CTNNA3: variants seen among roughly 807,000 people sequenced by gnomAD.
CTNNA3 encodes the protein catenin alpha-3.
In CTNNA3, 76 loss-of-function variants were observed where a neutral mutation model predicts 95.7. The ratio of observed to expected loss-of-function variants is 0.79; its 90% CI spans 0.66 to 0.96. The LOEUF (loss-of-function observed/expected upper bound fraction) is 0.96. CTNNA3 is among the 40% of genes least tolerant of loss of function. The pLI is 0.00. For synonymous variants in CTNNA3, 431 were observed against 374.4 expected (o/e 1.15, Z -1.74); for missense variants, 1,191 against 1,089.8 (o/e 1.09, Z -1.31).
chr10:66,430,672 A>C (rs1466991776), intron 11 of CTNNA3, among the ~76,000 whole-genome samples: 4 of 152,232 alleles, frequency 2.6e-5, no homozygotes, highest in Non-Finnish European at 5.9e-5. Flanking sequence ...TTATTTAATA[A>C]ATGGTGCTGG....
chr10:66,126,997 G>A (rs541097708), intron 13 of CTNNA3, among the ~76,000 whole-genome samples: 1 of 151,904 alleles, frequency 6.6e-6, no homozygotes, highest in Non-Finnish European at 1.5e-5. Context: ...GGCCGGGCGC[G>A]GTGGCTCACA....
chr10:67,411,211 AC>A (rs1845354928), intron 5 of CTNNA3, among the ~76,000 whole-genome samples: 2 of 152,306 alleles, frequency 1.3e-5, no homozygotes, highest in South Asian at 4.1e-4. Flanking sequence ...TGTTCTCATT[AC>A]AAAAAAATGA....
At chr10:67,291,935 G>A (rs1358112779) in intron 5 of CTNNA3, among the ~76,000 whole-genome samples, 1 of 152,146 alleles carries the variant, frequency 6.6e-6, no homozygotes, top group African/African-American at 2.4e-5. Flanking sequence ...ACCCAAAGAT[G>A]CAGGGGAAAT....
At chr10:67,386,619 T>A (rs941195264) in intron 5 of CTNNA3, among the ~76,000 whole-genome samples, 2 of 152,148 alleles carry the variant, frequency 1.3e-5, no homozygotes, top group African/African-American at 4.8e-5. Context: ...AACAAAGCAC[T>A]GAGGAAGATC....
chr10:66,447,217 G>A (rs1260179864), intron 11 of CTNNA3, among the ~76,000 whole-genome samples: 5 of 152,120 alleles, frequency 3.3e-5, no homozygotes, highest in Non-Finnish European at 7.3e-5. Flanking sequence ...TCATGGGTAG[G>A]AAGAATCAAT....
chr10:65,947,500 C>T (rs1008955608), intron 17 of CTNNA3, among the ~76,000 whole-genome samples: 2 of 152,126 alleles, frequency 1.3e-5, no homozygotes, highest in Admixed American at 6.5e-5. Context: ...AAGCAACTTA[C>T]GTGTAGTAGA....
intron 3 of CTNNA3, among the ~76,000 whole-genome samples, chr10:67,566,332 A>G: frequency 6.7e-6 from 1 of 150,096 alleles, no homozygotes; most frequent in Non-Finnish European, 1.5e-5. Context: ...CAAGAAAAAA[A>G]CAAACAACCC....
chr10:66,858,414 T>G (rs185199726), intron 7 of CTNNA3, among the ~76,000 whole-genome samples: 1 of 152,132 alleles, frequency 6.6e-6, no homozygotes, highest in Admixed American at 6.6e-5. Flanking sequence ...GCTGGTCTCA[T>G]AGAATGAATT....
intron 9 of CTNNA3, among the ~76,000 whole-genome samples, chr10:66,646,294 T>A (rs1845705370): frequency 6.6e-6 from 1 of 152,160 alleles, no homozygotes; most frequent in African/African-American, 2.4e-5. Context: ...TGGATAGGCA[T>A]CAGCATTCCA....
intron 12 of CTNNA3, among the ~76,000 whole-genome samples, chr10:66,322,808 T>C (rs2092207110): frequency 1.3e-5 from 2 of 151,920 alleles, no homozygotes; most frequent in African/African-American, 4.8e-5. Flanking sequence ...GACCAAAACA[T>C]TGGTATTTAG....
At chr10:67,282,422 G>C (rs1406026373) in intron 5 of CTNNA3, among the ~76,000 whole-genome samples, 1 of 152,114 alleles carries the variant, frequency 6.6e-6, no homozygotes, top group Middle Eastern at 3.2e-3. Flanking sequence ...ATAGGAAAAG[G>C]CTTCTCAAGG....
rs138275340 is a variant in CTNNA3 at position 66,317,400 on chromosome 10, G to A, written c.1733-36779C>T. 8.5e-5 allele frequency among the ~76,000 whole-genome samples: 13 copies of A among 152,092 alleles called. No homozygotes were observed. In the South Asian group the frequency reaches 1.0e-3, roughly 12 times the overall value. ...TATAAAAAGAAATTTTAAGCCGGGCGTGGTGGCTCACACCTGTAATCCCAG... is the reference window on the plus strand; with the variant it reads ...TATAAAAAGAAATTTTAAGCCGGGCATGGTGGCTCACACCTGTAATCCCAG... On this transcript the variant is annotated intron_variant, in intron 12 of 17. Coordinates refer to ENST00000433211, the MANE Select transcript of CTNNA3 (RefSeq NM_013266.4).
At chr10:67,347,438 T>A (rs542068907) in intron 5 of CTNNA3, among the ~76,000 whole-genome samples, 1 of 152,166 alleles carries the variant, frequency 6.6e-6, no homozygotes, top group Non-Finnish European at 1.5e-5. Context: ...TTATTTAAAG[T>A]CACTTTTTTC....
chr10:66,191,223 G>C (rs2086650302), intron 13 of CTNNA3, among the ~76,000 whole-genome samples: 1 of 152,140 alleles, frequency 6.6e-6, no homozygotes, highest in Admixed American at 6.6e-5. Flanking sequence ...CTTGAGAAGA[G>C]AGATTCTAGG....
chr10:66,848,381 C>T (rs1165888077), intron 7 of CTNNA3, among the ~76,000 whole-genome samples: 3 of 152,134 alleles, frequency 2.0e-5, no homozygotes, highest in Non-Finnish European at 4.4e-5. Context: ...TGATATGAGA[C>T]AGAGGGCGCT....
Position 65,997,912 on chromosome 10 carries a change from G to A in CTNNA3, c.2160-9115C>T, listed in dbSNP as rs192776743. Among the ~76,000 whole-genome samples the A allele has an allele frequency of 8.0e-3, 1,225 of 152,254 alleles. 15 individuals are homozygous for A. Among genetic ancestry groups the A allele is most frequent in the African/African-American group, 0.028 (1,161 of 41,550 alleles). ...TGCTGGTAATCCCAGCTACCTGGGA[G>A]GCTGAGGCAGGAGAATCGCTCGAAC... On this transcript the variant is annotated intron_variant, in intron 15 of 17. Transcript: ENST00000433211.
chr10:66,729,101 T>G (rs1301497543), intron 9 of CTNNA3, among the ~76,000 whole-genome samples: 1 of 152,160 alleles, frequency 6.6e-6, no homozygotes, highest in Non-Finnish European at 1.5e-5. Flanking sequence ...TCTGTTCCAT[T>G]GGTTTACATG....
chr10:66,384,064 T>A (rs892760904), intron 11 of CTNNA3, among the ~76,000 whole-genome samples: 1 of 152,098 alleles, frequency 6.6e-6, no homozygotes, highest in African/African-American at 2.4e-5. Context: ...CCAGCGAACA[T>A]CATAATGACA....
At chr10:66,951,510 G>C (rs551384958) in intron 7 of CTNNA3, among the ~76,000 whole-genome samples, 23 of 152,132 alleles carry the variant, frequency 1.5e-4, no homozygotes, top group Non-Finnish European at 3.2e-4. Context: ...CTATGAGATA[G>C]GTACTGTTTA....
Sources: gnomAD v4.1 joint callset for allele counts (sites outside exome capture counted in the v4.1 genomes callset) on GRCh38, gnomAD v4.1.1 for gene constraint, MANE v1.5 for transcripts, NCBI Gene and HGNC (gene_info 2026-07-23, HGNC 2026-07-21) for gene names.